Variants in PCP4 observed in about 807,000 individuals in gnomAD.
The protein encoded by PCP4 is Purkinje cell protein 4.
In PCP4, 8 loss-of-function variants were observed where a neutral mutation model predicts 10.0. The observed-to-expected ratio is 0.80, with a 90% CI of 0.47 to 1.45. PCP4 has a LOEUF of 1.45. Among genes scored for constraint, PCP4 ranks in the 40% most tolerant of loss-of-function variants. The probability of loss-of-function intolerance (pLI) is 0.00; values close to 1 mark genes in which losing one functional copy is unlikely to be tolerated. For missense variants in PCP4, 54 were observed against 74.4 expected (o/e 0.73, Z 1.01); for synonymous variants, 21 against 23.0 (o/e 0.91, Z 0.24).
chr21:39,875,736 C>G (rs79465185), intron 1 of PCP4, among the ~76,000 whole-genome samples: 7,850 of 152,162 alleles, frequency 0.052, 665 homozygotes, highest in African/African-American at 0.18. Flanking sequence ...TCAATACTCC[C>G]AAGTTTTTGA....
At chr21:39,896,203 G>A (rs550694479) in intron 1 of PCP4, among the ~76,000 whole-genome samples, 2 of 152,348 alleles carry the variant, frequency 1.3e-5, no homozygotes, top group South Asian at 4.1e-4. Flanking sequence ...GGCATTTAAA[G>A]ACTGTGGGGT....
chr21:39,891,354 A>G (rs1555847983), intron 1 of PCP4, among the ~76,000 whole-genome samples: 1 of 151,898 alleles, frequency 6.6e-6, no homozygotes, highest in Non-Finnish European at 1.5e-5. Context: ...CTCCACCTCC[A>G]CCCCTTGCCT....
At position 39,928,997 on chromosome 21, in the gene PCP4, A is replaced by G. The variant is rs751416289; in HGVS notation, c.75A>G (p.Lys25=). 2 of 1,612,910 alleles carry G rather than the reference A, an allele frequency of 1.2e-6. No individual in the cohort carries two copies. The highest frequency in any genetic ancestry group is 2.2e-5 in the South Asian group (2 of 90,886). ...GTCTTGCTACAGATGGACAGAAGAA[A>G]GTTCAAGAAGAATTTGACATTGACA... is the stretch of plus-strand genomic sequence containing the variant. ...KTSGENDGQK[K]VQEEFDIDMD... The change falls in exon 3 of 3, where the codon AAA becomes AAG. Residue 25 remains lysine (K), a synonymous_variant. Transcript: ENST00000328619.
chr21:39,905,753 G>A (rs569705596), intron 2 of PCP4, among the ~76,000 whole-genome samples: 1 of 152,266 alleles, frequency 6.6e-6, no homozygotes, highest in East Asian at 1.9e-4. Context: ...GGCTTGCATA[G>A]TTTAAAAAAA....
chr21:39,878,987 CT>C (rs1390263821), intron 1 of PCP4, among the ~76,000 whole-genome samples: 1 of 148,528 alleles, frequency 6.7e-6, no homozygotes, highest in African/African-American at 2.6e-5. Context: ...CTTTTCTTTC[CT>C]TTTTCTTTTT....
chr21:39,896,440 G>A (rs1023707406), intron 1 of PCP4, among the ~76,000 whole-genome samples: 8 of 152,142 alleles, frequency 5.3e-5, no homozygotes, highest in African/African-American at 9.7e-5. Flanking sequence ...TGCAGCAAAC[G>A]TACGAGCCTT....
intron 1 of PCP4, among the ~76,000 whole-genome samples, chr21:39,875,763 G>A (rs1457498673): frequency 1.3e-5 from 2 of 151,986 alleles, no homozygotes; most frequent in Non-Finnish European, 2.9e-5. Flanking sequence ...ACCTTAATAG[G>A]GAAAAAATTT....
At chr21:39,914,589 A>AAAG (rs1555850145) in intron 2 of PCP4, among the ~76,000 whole-genome samples, 4 of 148,958 alleles carry the variant, frequency 2.7e-5, no homozygotes, top group Admixed American at 1.3e-4. Flanking sequence ...AAAAAAAAAG[A>AAAG]AAAAAAAAAG....
At chr21:39,868,214 T>A (rs1448482535) in intron 1 of PCP4, among the ~76,000 whole-genome samples, 1 of 152,224 alleles carries the variant, frequency 6.6e-6, no homozygotes, top group East Asian at 1.9e-4. Context: ...TTCTCATCTA[T>A]GAAGCAGATT....
chr21:39,911,353 T>C (rs2087539145), intron 2 of PCP4, among the ~76,000 whole-genome samples: 1 of 152,210 alleles, frequency 6.6e-6, no homozygotes, highest in South Asian at 2.1e-4. Flanking sequence ...ACAGGGTTTA[T>C]TTTCCTGGAT....
At chr21:39,890,458 C>T (rs1465380443) in intron 1 of PCP4, among the ~76,000 whole-genome samples, 14 of 152,088 alleles carry the variant, frequency 9.2e-5, no homozygotes, top group African/African-American at 2.9e-4. Flanking sequence ...CAGGTTCAAG[C>T]GATTCTCCTG....
intron 2 of PCP4, among the ~76,000 whole-genome samples, chr21:39,914,385 C>T (rs1392851598): frequency 6.6e-6 from 1 of 152,086 alleles, no homozygotes; most frequent in African/African-American, 2.4e-5. Context: ...ATCAGCCTGG[C>T]CAACATGGTG....
At chr21:39,876,725 A>G (rs1405472901) in intron 1 of PCP4, among the ~76,000 whole-genome samples, 1 of 152,212 alleles carries the variant, frequency 6.6e-6, no homozygotes, top group Non-Finnish European at 1.5e-5. Context: ...ACAAATATAA[A>G]TAGAAATTCT....
rs146949308 is a variant in PCP4, at chr21:39,908,533, G to A, written c.61+10006G>A. Among the ~76,000 whole-genome samples, 368 of 152,290 alleles carry A rather than the reference G, an allele frequency of 2.4e-3. 2 individuals are homozygous for A. Among genetic ancestry groups the A allele is most frequent in the African/African-American group, 8.3e-3 (346 of 41,574 alleles). The stretch of plus-strand genomic sequence containing the variant: ...AGCTGGGGTTTGTCAGACCAGGAGG[G>A]AGGAGGAGAGTAGCTTCCAGCCACA... On this transcript the variant is annotated intron_variant, in intron 2 of 2. Transcript: ENST00000328619.
At chr21:39,905,123 C>A (rs565872889) in intron 2 of PCP4, among the ~76,000 whole-genome samples, 1 of 152,162 alleles carries the variant, frequency 6.6e-6, no homozygotes, top group East Asian at 1.9e-4. Flanking sequence ...TGAGAGATAG[C>A]AAGTGCTGCT....
chr21:39,900,746 A>G (rs550469663), intron 2 of PCP4, among the ~76,000 whole-genome samples: 2 of 152,168 alleles, frequency 1.3e-5, no homozygotes, highest in South Asian at 4.2e-4. Flanking sequence ...ATGAATCTCT[A>G]TACTGGCCAC....
rs1487427583 is a variant in PCP4, at chr21:39,906,297, C to T, written c.61+7770C>T. Reference sequence around the variant, plus strand: ...ATGGGCAACTTGGATGGGCTGTGGTCTAAGCCCCTGGAACAGAATAAAGTT... The same window carrying T: ...ATGGGCAACTTGGATGGGCTGTGGTTTAAGCCCCTGGAACAGAATAAAGTT... On this transcript the variant is annotated intron_variant, in intron 2 of 2. Coordinates refer to ENST00000328619, the MANE Select transcript of PCP4 (RefSeq NM_006198.3). This position sits in a 1 kb window ranked among gnomAD's most constrained non-coding sequence, Gnocchi z 6.3. Among the ~76,000 whole-genome samples the T allele has an allele frequency of 6.6e-6, 1 of 152,320 alleles. No individual in the cohort carries two copies. Among genetic ancestry groups the T allele is most frequent in the South Asian group, 2.1e-4 (1 of 4,830 alleles).
At chr21:39,904,271 C>T (rs1250278696) in intron 2 of PCP4, among the ~76,000 whole-genome samples, 1 of 152,130 alleles carries the variant, frequency 6.6e-6, no homozygotes, top group African/African-American at 2.4e-5. Context: ...TCCCAGTAGA[C>T]ATTCATCCCC....
At chr21:39,881,962 T>G (rs1304577562) in intron 1 of PCP4, among the ~76,000 whole-genome samples, 1 of 152,212 alleles carries the variant, frequency 6.6e-6, no homozygotes, top group African/African-American at 2.4e-5. Flanking sequence ...TAAGCCTCTC[T>G]GTGTCTCAAG....
Sources: gnomAD v4.1 joint callset for allele counts (sites outside exome capture counted in the v4.1 genomes callset) on GRCh38, gnomAD v4.1.1 for gene constraint, Gnocchi (gnomAD v3.1) non-coding constraint, MANE v1.5 for transcripts, NCBI Gene and HGNC (gene_info 2026-07-23, HGNC 2026-07-21) for gene names.